TPRA1: variants seen among roughly 807,000 people sequenced by gnomAD.
TPRA1 encodes the protein transmembrane protein adipocyte associated 1, also known as transmembrane protein adipocyte-associated 1.
A neutral mutation model predicts 40.1 loss-of-function variants in TPRA1; 28 were observed. That is an observed-to-expected ratio of 0.70 (90% CI 0.52 to 0.96). The LOEUF is 0.96. Ranked by LOEUF, TPRA1 falls within the 40% of genes least tolerant of loss-of-function variation. The pLI, the probability that TPRA1 is intolerant of heterozygous loss-of-function variation, is 0.00. For missense variants in TPRA1, 441 were observed against 482.6 expected (o/e 0.91, Z 0.81); for synonymous variants, 219 against 209.7 (o/e 1.04, Z -0.38).
At chr3:127,582,701 CA>C (rs1404690468) in intron 1 of TPRA1, among the ~76,000 whole-genome samples, 855 of 76,156 alleles carry the variant, frequency 0.011, 4 homozygotes, top group South Asian at 0.038. Flanking sequence ...GACTCTGTCT[CA>C]AAAAAAAAAA....
intron 3 of TPRA1, 57 bp from the exon 4 acceptor site, chr3:127,577,133 G>C: frequency 6.4e-7 from 1 of 1,562,948 alleles, no homozygotes; most frequent in Non-Finnish European, 8.8e-7. Context: ...GCATCGGCAG[G>C]GGCAGCAAGC....
chr3:127,589,556 A>AC (rs2074104160), intron 1 of TPRA1, among the ~76,000 whole-genome samples: 1 of 152,076 alleles, frequency 6.6e-6, no homozygotes, highest in Non-Finnish European at 1.5e-5. Context: ...CCTAAGCCGG[A>AC]GACCCCAGTA....
At chr3:127,598,150 C>T in exon 1 of TPRA1, 3 of 473,404 alleles carry the variant, frequency 6.3e-6, no homozygotes, top group Middle Eastern at 6.0e-4. Context: ...ACCGAGGTCA[C>T]GCAGCCAGCA....
intron 3 of TPRA1, among the ~76,000 whole-genome samples, chr3:127,578,856 G>GTCCCC (rs1206900726): frequency 6.6e-6 from 1 of 152,156 alleles, no homozygotes; most frequent in Non-Finnish European, 1.5e-5. Flanking sequence ...GTATCTAAGG[G>GTCCCC]CCACAGAGAA....
rs2073398589 is a variant in TPRA1, at chr3:127,572,287, A to T, written c.*1234T>A. Among the ~76,000 whole-genome samples, 1 of 151,974 alleles carries T rather than the reference A, an allele frequency of 6.6e-6. No homozygotes were observed. Among genetic ancestry groups the T allele is most frequent in the Non-Finnish European group, 1.5e-5 (1 of 68,018 alleles). On this transcript the variant is annotated 3_prime_UTR_variant, in exon 11 of 11. Transcript: ENST00000355552. ...ACAGCCTGATCCTCAGGGTCCCCAC[A>T]GCCAGGGCTGAGACCTCCCCAGGCT... is the stretch of plus-strand genomic sequence containing the variant.
At position 127,588,443 on chromosome 3, in the gene TPRA1, CAG is replaced by C. The variant is rs1315924427; in HGVS notation, c.-18+1965_-18+1966del. Among the ~76,000 whole-genome samples the C allele has an allele frequency of 1.8e-3, 244 of 136,124 alleles. 1 individual carries two copies. The highest frequency in any genetic ancestry group is 6.5e-3 in the African/African-American group (231 of 35,284). The allele number at this position is 136,124 out of a possible 152,430, so 89.3% of individuals were successfully genotyped here. A position where few individuals can be genotyped will look rare whatever the true frequency, so the allele number is the denominator to read the frequency against. On this transcript the variant is annotated intron_variant, in intron 1 of 10. Transcript: ENST00000355552. ...CTTTTTTTTTTTTTTTTTTTTGAGACAGAGTCTCGCTTTGTCACCTAGGCTGG... is the reference window on the plus strand; with the variant it reads ...CTTTTTTTTTTTTTTTTTTTTGAGACAGTCTCGCTTTGTCACCTAGGCTGG...
chr3:127,575,367 C>T lies in TPRA1; in HGVS notation c.773+36G>A, dbSNP rs374375018. 11 of 1,570,460 alleles carry T rather than the reference C, an allele frequency of 7.0e-6. 1 individual carries two copies. The highest frequency in any genetic ancestry group is 1.4e-5 in the African/African-American group (1 of 73,578). On this transcript the variant is annotated intron_variant, in intron 9 of 10. Coordinates refer to ENST00000355552, the MANE Select transcript of TPRA1 (RefSeq NM_001136053.4). ...GACACCCTGCCGCCCACTTCCCATG[C>T]CCCCACGAGGCAGACACCCTGCGGC... is the stretch of plus-strand genomic sequence containing the variant.
chr3:127,573,412 C>A lies in TPRA1; in HGVS notation c.*109G>T. On this transcript the variant is annotated 3_prime_UTR_variant, in exon 11 of 11. Transcript: ENST00000355552. Reference sequence around the variant, plus strand: ...GACTCATGGTGGGAACAGGGCCACACAGGGCTACTGCCCACAGAACGTCCC... The same window carrying A: ...GACTCATGGTGGGAACAGGGCCACAAAGGGCTACTGCCCACAGAACGTCCC... The A allele has an allele frequency of 7.1e-7, 1 of 1,399,738 alleles. No homozygotes were observed. Among genetic ancestry groups the A allele is most frequent in the South Asian group, 1.4e-5 (1 of 70,860 alleles). The allele number at this position is 1,399,738 out of a possible 1,614,324, so 86.7% of individuals were successfully genotyped here. A position where few individuals can be genotyped will look rare whatever the true frequency, so the allele number is the denominator to read the frequency against.
chr3:127,586,788 C>T (rs777202636), intron 1 of TPRA1, among the ~76,000 whole-genome samples: 1 of 152,164 alleles, frequency 6.6e-6, no homozygotes, highest in African/African-American at 2.4e-5. Context: ...GCAGGCCAGG[C>T]ACCCAGCAGT....
intron 1 of TPRA1, among the ~76,000 whole-genome samples, chr3:127,586,222 C>G (rs2073995914): frequency 6.6e-6 from 1 of 152,180 alleles, no homozygotes. Context: ...AGCGGGTGTG[C>G]AGCGCGCCTC....
At chr3:127,585,235 T>A (rs1375877430) in intron 1 of TPRA1, among the ~76,000 whole-genome samples, 1 of 152,058 alleles carries the variant, frequency 6.6e-6, no homozygotes, top group Non-Finnish European at 1.5e-5. Context: ...AAGATCGAGA[T>A]AAAGAACATT....
At chr3:127,575,094 C>T (rs2073544287) in intron 10 of TPRA1, 91 bp downstream of exon 10, 2 of 1,420,228 alleles carry the variant, frequency 1.4e-6, no homozygotes, top group African/African-American at 1.4e-5. Context: ...TATGCATACA[C>T]AGCCTCTCAG....
intron 3 of TPRA1, 29 bp downstream of exon 3, chr3:127,579,710 TG>T: frequency 1.2e-6 from 2 of 1,611,736 alleles, no homozygotes; most frequent in Non-Finnish European, 1.7e-6. Context: ...CAGTTGGAGT[TG>T]GCTTTTCTGT....
At chr3:127,584,531 G>A (rs999235451) in intron 1 of TPRA1, among the ~76,000 whole-genome samples, 1 of 149,332 alleles carries the variant, frequency 6.7e-6, no homozygotes, top group Admixed American at 6.7e-5. Context: ...GAGAGGTGGA[G>A]CAGAATGACA....
chr3:127,597,531 C>G (rs2074256375), intron 1 of TPRA1, among the ~76,000 whole-genome samples: 1 of 152,218 alleles, frequency 6.6e-6, no homozygotes, highest in Non-Finnish European at 1.5e-5. Flanking sequence ...GCATCATAAG[C>G]TCCTAGGGTT....
intron 1 of TPRA1, among the ~76,000 whole-genome samples, chr3:127,597,600 A>G (rs889166936): frequency 6.6e-6 from 1 of 152,172 alleles, no homozygotes; most frequent in African/African-American, 2.4e-5. Context: ...AGCTTTGCAC[A>G]TGGCATCCTT....
intron 1 of TPRA1, among the ~76,000 whole-genome samples, chr3:127,582,694 T>G (rs1017826354): frequency 7.5e-6 from 1 of 132,468 alleles, no homozygotes; most frequent in Non-Finnish European, 1.6e-5. Context: ...AGGGCAAGAC[T>G]CTGTCTCAAA....
chr3:127,594,380 T>C (rs1292380062), upstream of TPRA1, among the ~76,000 whole-genome samples: 1 of 152,194 alleles, frequency 6.6e-6, no homozygotes, highest in African/African-American at 2.4e-5. Flanking sequence ...GGTGGGAAGA[T>C]ATGCTGTGTG....
chr3:127,575,305 A>C, intron 9 of TPRA1, 40 bp from the exon 10 acceptor site: 2 of 1,602,612 alleles, frequency 1.2e-6, no homozygotes, highest in Admixed American at 1.7e-5. Flanking sequence ...TCCTAGCCCC[A>C]TGCTGACTCC....
Sources: allele counts gnomAD v4.1 joint callset (sites outside exome capture counted in the v4.1 genomes callset), GRCh38; gene constraint gnomAD v4.1.1; transcripts MANE v1.5; gene names NCBI Gene and HGNC (gene_info 2026-07-23, HGNC 2026-07-21).